Variants in MECOM observed in about 807,000 individuals in gnomAD.
MECOM encodes histone-lysine N-methyltransferase MECOM.
MECOM carries 13 observed loss-of-function variants against 116.3 expected under a neutral mutation model. That is an observed-to-expected ratio of 0.11 (90% CI 0.07 to 0.18). The LOEUF (loss-of-function observed/expected upper bound fraction) is 0.18. Ranked by LOEUF, MECOM falls within the 10% of genes least tolerant of loss-of-function variation. The pLI, the probability that MECOM is intolerant of heterozygous loss-of-function variation, is 1.00. For missense variants in MECOM, 1,299 were observed against 1,509.0 expected (o/e 0.86, Z 2.31); for synonymous variants, 528 against 535.2 (o/e 0.99, Z 0.19).
At chr3:169,478,287 A>C (rs1415493322) in intron 1 of MECOM, among the ~76,000 whole-genome samples, 2 of 152,200 alleles carry the variant, frequency 1.3e-5, no homozygotes, top group African/African-American at 2.4e-5. Context: ...CAACTGTAGA[A>C]GAATGATATT....
chr3:169,265,439 T>C (rs1178429889), intron 2 of MECOM, among the ~76,000 whole-genome samples: 1 of 152,258 alleles, frequency 6.6e-6, no homozygotes, highest in East Asian at 1.9e-4. Flanking sequence ...CTAAAGTATG[T>C]ACTGCGATTA....
chr3:169,393,487 C>CA (rs1734544767), intron 1 of MECOM, among the ~76,000 whole-genome samples: 1 of 152,038 alleles, frequency 6.6e-6, no homozygotes, highest in Admixed American at 6.6e-5. Flanking sequence ...AAAAAGATCT[C>CA]AAAAAAGGAG....
chr3:169,142,377 T>C (rs1394302226), intron 3 of MECOM, among the ~76,000 whole-genome samples: 2 of 151,952 alleles, frequency 1.3e-5, no homozygotes. Context: ...GTTCCTTTTG[T>C]AAGGAGTATA....
intron 2 of MECOM, among the ~76,000 whole-genome samples, chr3:169,172,655 C>G (rs1042006582): frequency 1.3e-5 from 2 of 151,980 alleles, no homozygotes; most frequent in African/African-American, 4.8e-5. Flanking sequence ...AAGAATAAAC[C>G]TGAGGAATGG....
chr3:169,569,166 A>AG (rs1335206462), intron 1 of MECOM, among the ~76,000 whole-genome samples: 7 of 152,206 alleles, frequency 4.6e-5, no homozygotes, highest in Non-Finnish European at 5.9e-5. Context: ...GCAAATGGAA[A>AG]GAAAAAAAAA....
intron 7 of MECOM, among the ~76,000 whole-genome samples, chr3:169,117,624 C>T (rs1729592793): frequency 6.6e-6 from 1 of 152,158 alleles, no homozygotes; most frequent in Non-Finnish European, 1.5e-5. Flanking sequence ...GCCAACTATG[C>T]TCAGTAGGGG....
At chr3:169,584,915 T>C (rs1765607958) in intron 1 of MECOM, among the ~76,000 whole-genome samples, 1 of 152,114 alleles carries the variant, frequency 6.6e-6, no homozygotes, top group Non-Finnish European at 1.5e-5. Context: ...GAAAAGACAA[T>C]ATAAATTCTA....
chr3:169,416,352 A>T (rs915581456), intron 1 of MECOM, among the ~76,000 whole-genome samples: 11 of 152,236 alleles, frequency 7.2e-5, no homozygotes, highest in Non-Finnish European at 1.5e-5. Context: ...AATGTACCAG[A>T]ATGCCTAGGA....
chr3:169,267,141 G>T lies in MECOM; in HGVS notation c.375+114046C>A, dbSNP rs76097775. Among the ~76,000 whole-genome samples, 47 of 152,320 alleles carry T rather than the reference G, an allele frequency of 3.1e-4. No individual in the cohort carries two copies. The East Asian group carries it at 7.5e-3, about 24-fold the overall frequency. Reference sequence around the variant, plus strand: ...CCATGTTGAGAATGTGAGATTGAAGGTCACACCTTACGATACTACAGCAGG... The same window carrying T: ...CCATGTTGAGAATGTGAGATTGAAGTTCACACCTTACGATACTACAGCAGG... On this transcript the variant is annotated intron_variant, in intron 2 of 16. Coordinates refer to ENST00000651503, the MANE Select transcript of MECOM (RefSeq NM_004991.4).
Position 169,409,953 on chromosome 3 carries a change from G to C in MECOM, c.38-28429C>G, listed in dbSNP as rs143410443. 6.0e-4 allele frequency among the ~76,000 whole-genome samples: 91 copies of C among 152,272 alleles called. No individual in the cohort carries two copies. The South Asian group carries it at 0.018, about 31-fold the overall frequency. On this transcript the variant is annotated intron_variant, in intron 1 of 16. Coordinates refer to ENST00000651503, the MANE Select transcript of MECOM (RefSeq NM_004991.4). Reference sequence around the variant, plus strand: ...CTCTTTTCTGACAAGTGTGGATATAGACAAATTCAGATATTCTAGTATTTA... The same window carrying C: ...CTCTTTTCTGACAAGTGTGGATATACACAAATTCAGATATTCTAGTATTTA...
At chr3:169,439,463 CCATAGA>C (rs1743246308) in intron 1 of MECOM, among the ~76,000 whole-genome samples, 1 of 151,476 alleles carries the variant, frequency 6.6e-6, no homozygotes, top group Non-Finnish European at 1.5e-5. Context: ...TTAAAATAGG[CCATAGA>C]CATAAACAGG....
At chr3:169,097,836 A>T (rs1284797999) in intron 12 of MECOM, among the ~76,000 whole-genome samples, 1 of 144,938 alleles carries the variant, frequency 6.9e-6, no homozygotes, top group Non-Finnish European at 1.5e-5. Flanking sequence ...AAAAAAAAAA[A>T]AAAAGGTGGA....
chr3:169,110,738 G>A (rs1003532235), intron 9 of MECOM, among the ~76,000 whole-genome samples: 11 of 152,052 alleles, frequency 7.2e-5, no homozygotes, highest in South Asian at 2.1e-4. Flanking sequence ...TATTCATGAC[G>A]CATCAGGTTC....
At chr3:169,297,231 A>G (rs16853442) in intron 2 of MECOM, among the ~76,000 whole-genome samples, 8,004 of 152,268 alleles carry the variant, frequency 0.053, 605 homozygotes, top group African/African-American at 0.17. Flanking sequence ...CAAATTAATT[A>G]GCCTTCCTCC....
intron 2 of MECOM, among the ~76,000 whole-genome samples, chr3:169,149,935 CTGTGTGTGTGTGTG>C (rs58944452): frequency 1.8e-4 from 24 of 131,306 alleles, no homozygotes; most frequent in East Asian, 1.4e-3. Flanking sequence ...TTCTCTCTCT[CTGTGTGTGTGTGTG>C]TGTGTGTGTG....
chr3:169,336,332 C>T (rs922777698), intron 2 of MECOM, among the ~76,000 whole-genome samples: 2 of 151,898 alleles, frequency 1.3e-5, no homozygotes, highest in East Asian at 1.9e-4. Flanking sequence ...TTAATAAACA[C>T]AATGTTTCTC....
chr3:169,423,662 T>C (rs1469648023), intron 1 of MECOM, among the ~76,000 whole-genome samples: 1 of 152,130 alleles, frequency 6.6e-6, no homozygotes, highest in Non-Finnish European at 1.5e-5. Context: ...ATAAGATGCC[T>C]TATTAATAGG....
intron 1 of MECOM, among the ~76,000 whole-genome samples, chr3:169,618,815 G>C (rs756650189): frequency 6.6e-6 from 1 of 152,078 alleles, no homozygotes; most frequent in Non-Finnish European, 1.5e-5. Context: ...GTGAGATATA[G>C]AGCATAAATC....
At chr3:169,657,896 G>T (rs1775723555) in intron 1 of MECOM, among the ~76,000 whole-genome samples, 1 of 152,158 alleles carries the variant, frequency 6.6e-6, no homozygotes, top group Non-Finnish European at 1.5e-5. Context: ...TCCTGGAGGG[G>T]CTGGGGAGGA....
Sources: gnomAD v4.1 joint callset for allele counts (sites outside exome capture counted in the v4.1 genomes callset) on GRCh38, gnomAD v4.1.1 for gene constraint, MANE v1.5 for transcripts, NCBI Gene and HGNC (gene_info 2026-07-23, HGNC 2026-07-21) for gene names.